Variants in DRC8 observed in about 807,000 individuals in gnomAD.
DRC8 encodes dynein regulatory complex protein 8.
the DRC8 span, among the ~76,000 whole-genome samples, chr1:245,068,206 A>G: frequency 6.6e-6 from 1 of 152,200 alleles, no homozygotes; most frequent in Non-Finnish European, 1.5e-5. Flanking sequence ...GATAAATAAA[A>G]CGTGTTTTTA....
chr1:245,082,901 G>A, the DRC8 span, among the ~76,000 whole-genome samples: 1 of 152,084 alleles, frequency 6.6e-6, no homozygotes, highest in Non-Finnish European at 1.5e-5. Context: ...TAGAGACAGA[G>A]TTTCACTATG....
At chr1:244,995,669 C>T in the DRC8 span, among the ~76,000 whole-genome samples, 2 of 152,086 alleles carry the variant, frequency 1.3e-5, no homozygotes, top group Non-Finnish European at 2.9e-5. Context: ...TTTTATTATG[C>T]GCAACTGGAA....
At chr1:245,013,528 T>C in the DRC8 span, among the ~76,000 whole-genome samples, 2 of 152,036 alleles carry the variant, frequency 1.3e-5, no homozygotes, top group Admixed American at 1.3e-4. Flanking sequence ...GGCAGGATTG[T>C]TCAATAAAGA....
the DRC8 span, among the ~76,000 whole-genome samples, chr1:245,081,442 T>C: frequency 4.2e-3 from 645 of 152,266 alleles, 1 homozygote; most frequent in African/African-American, 0.014. Context: ...ATTACAGGCG[T>C]GAGCCATCGC....
At chr1:245,047,503 C>T in the DRC8 span, among the ~76,000 whole-genome samples, 12 of 151,738 alleles carry the variant, frequency 7.9e-5, no homozygotes, top group Admixed American at 4.6e-4. Context: ...GGCGTGGTGG[C>T]GGGCGCCTGT....
the DRC8 span, among the ~76,000 whole-genome samples, chr1:244,994,012 G>A: frequency 2.0e-5 from 3 of 152,070 alleles, no homozygotes; most frequent in East Asian, 1.9e-4. Flanking sequence ...CACAGGAGTC[G>A]TGGTTCATAA....
chr1:245,101,452 C>T, the DRC8 span, among the ~76,000 whole-genome samples: 1 of 152,158 alleles, frequency 6.6e-6, no homozygotes. Flanking sequence ...ATCCTTCTAT[C>T]AGGAAGTACA....
At chr1:245,001,997 T>G in the DRC8 span, 2 of 699,444 alleles carry the variant, frequency 2.9e-6, no homozygotes, top group South Asian at 1.8e-5. Context: ...GAAAGCATGG[T>G]CCTTTCTCAG....
the DRC8 span, among the ~76,000 whole-genome samples, chr1:245,051,583 G>A: frequency 9.2e-5 from 14 of 152,100 alleles, no homozygotes; most frequent in Non-Finnish European, 1.9e-4. Context: ...TCTGCAGCGC[G>A]GTGAGGCATG....
At chr1:244,985,588 G>T in the DRC8 span, among the ~76,000 whole-genome samples, 1 of 152,166 alleles carries the variant, frequency 6.6e-6, no homozygotes, top group Non-Finnish European at 1.5e-5. Context: ...ATTGGGCCAG[G>T]TGTGGTGGCA....
the DRC8 span, among the ~76,000 whole-genome samples, chr1:245,018,769 C>A: frequency 2.6e-5 from 4 of 152,236 alleles, no homozygotes; most frequent in South Asian, 8.3e-4. Flanking sequence ...TAACACACTA[C>A]GTGTAGTTGG....
chr1:245,017,622 G>A, the DRC8 span, among the ~76,000 whole-genome samples: 2 of 152,194 alleles, frequency 1.3e-5, no homozygotes, highest in Non-Finnish European at 2.9e-5. Context: ...TTGGCACATA[G>A]TTGGTACTCA....
chr1:244,984,438 G>A, the DRC8 span, among the ~76,000 whole-genome samples: 2 of 152,164 alleles, frequency 1.3e-5, no homozygotes, highest in African/African-American at 4.8e-5. Context: ...AGTAATCACT[G>A]TAAATATTTG....
the DRC8 span, among the ~76,000 whole-genome samples, chr1:245,086,036 G>C: frequency 1.3e-5 from 2 of 152,228 alleles, no homozygotes; most frequent in African/African-American, 2.4e-5. Flanking sequence ...GAGACAGTGC[G>C]ACCACGTGGT....
chr1:245,033,228 A>T, the DRC8 span, among the ~76,000 whole-genome samples: 1 of 152,178 alleles, frequency 6.6e-6, no homozygotes, highest in African/African-American at 2.4e-5. Flanking sequence ...AGAATCAAGG[A>T]GGTCTCCACA....
the DRC8 span, among the ~76,000 whole-genome samples, chr1:245,072,906 C>T: frequency 6.6e-6 from 1 of 152,264 alleles, no homozygotes; most frequent in African/African-American, 2.4e-5. Context: ...CTTCACCTTC[C>T]ACCATGATTG....
the DRC8 span, chr1:244,970,154 C>A: frequency 2.9e-6 from 2 of 686,110 alleles, no homozygotes; most frequent in Non-Finnish European, 5.3e-6. Context: ...CGGCTCCGGC[C>A]TCGGGTCTGG....
the DRC8 span, chr1:244,970,928 C>T: frequency 1.5e-4 from 27 of 183,378 alleles, no homozygotes; most frequent in East Asian, 8.6e-4. Flanking sequence ...CTCGGTGCCG[C>T]AGGCGCCACG....
chr1:244,982,281 A>G, the DRC8 span, among the ~76,000 whole-genome samples: 102 of 152,362 alleles, frequency 6.7e-4, no homozygotes, highest in Middle Eastern at 3.4e-3. Context: ...AACAGCCCGA[A>G]GAGACAAAGC....
Sources: allele counts gnomAD v4.1 joint callset (sites outside exome capture counted in the v4.1 genomes callset), GRCh38; gene constraint gnomAD v4.1.1; transcripts MANE v1.5; gene names NCBI Gene and HGNC (gene_info 2026-07-23, HGNC 2026-07-21).